Variants in NPR3 observed in about 807,000 individuals in gnomAD.
NPR3 encodes the protein atrial natriuretic peptide receptor 3.
Under a neutral mutation model 54.5 loss-of-function variants are expected in NPR3, and 34 were observed. The ratio of observed to expected loss-of-function variants is 0.62; its 90% CI spans 0.47 to 0.83. NPR3 has a LOEUF of 0.83. Among genes scored for constraint, NPR3 ranks in the 40% least tolerant of loss-of-function variants. The pLI is 0.00. For synonymous variants in NPR3, 289 were observed against 297.1 expected (o/e 0.97, Z 0.28); for missense variants, 674 against 720.8 (o/e 0.94, Z 0.74).
intron 1 of NPR3, chr5:32,716,962 A>T (rs1362289865): frequency 6.6e-6 from 1 of 152,120 alleles, no homozygotes; most frequent in African/African-American, 2.4e-5. Context: ...CATCATTTAC[A>T]TTGGGTATTT....
At chr5:32,691,571 G>A (rs1740389091) in intron 1 of NPR3, among the ~76,000 whole-genome samples, 2 of 152,220 alleles carry the variant, frequency 1.3e-5, no homozygotes, top group African/African-American at 4.8e-5. Context: ...ACACCTGAAA[G>A]GCGTTAGAAA....
At chr5:32,750,140 A>G (rs1485663223) in intron 3 of NPR3, among the ~76,000 whole-genome samples, 1 of 152,034 alleles carries the variant, frequency 6.6e-6, no homozygotes, top group African/African-American at 2.4e-5. Context: ...CGAACTTCCA[A>G]CATTTTGTTG....
chr5:32,757,264 T>G (rs1740896822), intron 3 of NPR3, among the ~76,000 whole-genome samples: 1 of 152,222 alleles, frequency 6.6e-6, no homozygotes, highest in African/African-American at 2.4e-5. Context: ...TTTGTTTGTA[T>G]CCTCTTTTAT....
intron 3 of NPR3, among the ~76,000 whole-genome samples, chr5:32,772,792 C>G (rs1055694567): frequency 6.6e-6 from 1 of 152,116 alleles, no homozygotes; most frequent in African/African-American, 2.4e-5. Flanking sequence ...TTTTTTAAAC[C>G]TAACGACATC....
chr5:32,750,639 G>A (rs1740528207), intron 3 of NPR3, among the ~76,000 whole-genome samples: 1 of 152,142 alleles, frequency 6.6e-6, no homozygotes, highest in Non-Finnish European at 1.5e-5. Context: ...TGGAGGTGGG[G>A]TGGGGAATAA....
Position 32,788,308 on chromosome 5 carries a change from A to T in NPR3, c.*1963A>T, listed in dbSNP as rs952458186. 6.6e-6 allele frequency: 1 copy of T among 152,298 alleles called. No homozygotes were observed. The highest frequency in any genetic ancestry group is 1.5e-5 in the Non-Finnish European group (1 of 68,072). 9.4% of individuals were successfully genotyped at this position (152,298 alleles called of 1,614,324 possible). On this transcript the variant is annotated 3_prime_UTR_variant, in exon 8 of 8. Coordinates refer to ENST00000265074, the MANE Select transcript of NPR3 (RefSeq NM_001204375.2). ...GAAGAAGGCAAGAAGGGCAAACTCCAGAAGTTCTAGTGCAGGAAGAGAGTT... is the reference window on the plus strand; with the variant it reads ...GAAGAAGGCAAGAAGGGCAAACTCCTGAAGTTCTAGTGCAGGAAGAGAGTT...
At chr5:32,770,897 A>T (rs1391847963) in intron 3 of NPR3, among the ~76,000 whole-genome samples, 1 of 152,226 alleles carries the variant, frequency 6.6e-6, no homozygotes, top group African/African-American at 2.4e-5. Flanking sequence ...ATAGGTAACA[A>T]CAGCATAACG....
intron 2 of NPR3, among the ~76,000 whole-genome samples, chr5:32,736,311 A>C (rs940167060): frequency 6.6e-6 from 1 of 151,556 alleles, no homozygotes; most frequent in Non-Finnish European, 1.5e-5. Flanking sequence ...AGACAGATTT[A>C]TTGTATTGGA....
At chr5:32,728,110 G>GT (rs1739229831) in intron 2 of NPR3, among the ~76,000 whole-genome samples, 1 of 152,198 alleles carries the variant, frequency 6.6e-6, no homozygotes, top group Non-Finnish European at 1.5e-5. Context: ...ATATTGTTGA[G>GT]TTTAAGTTTT....
chr5:32,709,828 CG>C (rs1738119006), upstream of NPR3: 1 of 117,060 alleles, frequency 8.5e-6, no homozygotes, highest in Admixed American at 8.2e-5. Flanking sequence ...AACCAGAGCG[CG>C]TTAAAGGCCT....
At position 32,712,305 on chromosome 5, in the gene NPR3, G is replaced by T. The variant is rs773947848; in HGVS notation, c.529G>T (p.Val177Leu). ...KDSEYSHLTR[V>L]APAYAKMGEM... Reference sequence around the variant, plus strand: ...CTCTGAGTACTCGCACCTCACGCGCGTGGCGCCCGCCTACGCCAAGATGGG... The same window carrying T: ...CTCTGAGTACTCGCACCTCACGCGCTTGGCGCCCGCCTACGCCAAGATGGG... The change falls in exon 1 of 8, where the codon GTG becomes TTG. Residue 177 changes from valine to leucine, a missense_variant. Transcript: ENST00000265074. The T allele has an allele frequency of 6.2e-7, 1 of 1,613,262 alleles. No homozygotes were observed. The highest frequency in any genetic ancestry group is 8.5e-7 in the Non-Finnish European group (1 of 1,179,794).
chr5:32,783,146 T>C (rs968633101), intron 6 of NPR3, 118 bp downstream of exon 6: 13 of 947,260 alleles, frequency 1.4e-5, no homozygotes, highest in African/African-American at 5.0e-5. Context: ...TTTCTTTCTC[T>C]GATGTGGTAA....
intron 2 of NPR3, among the ~76,000 whole-genome samples, chr5:32,726,646 G>A (rs1199982002): frequency 6.6e-6 from 1 of 152,206 alleles, no homozygotes; most frequent in Admixed American, 6.5e-5. Flanking sequence ...GGTCTGGCAA[G>A]TACCTGATAT....
At chr5:32,762,710 C>T (rs2112017600) in intron 3 of NPR3, among the ~76,000 whole-genome samples, 1 of 151,982 alleles carries the variant, frequency 6.6e-6, no homozygotes, top group South Asian at 2.1e-4. Context: ...TGTTTACGTT[C>T]TTTGTAGATT....
chr5:32,786,242 A>T lies in NPR3; in HGVS notation c.1523A>T (p.Tyr508Phe), dbSNP rs1434641578. ...ACTTTCCCTTTACCCAGGAAGAAATACAGAATAACCATTGAGAGGCGAACC... is the reference window on the plus strand; with the variant it reads ...ACTTTCCCTTTACCCAGGAAGAAATTCAGAATAACCATTGAGAGGCGAACC... ...LMAFYFFRKK[Y>F]RITIERRTQQ... Residue 508 changes from tyrosine to phenylalanine, a missense_variant, in exon 8 of 8, where the codon TAC becomes TTC. By Grantham distance (22) the Tyr-to-Phe change is conservative. Transcript: ENST00000265074. 1.3e-5 allele frequency: 18 copies of T among 1,416,608 alleles called. No homozygotes were observed. In the East Asian group the frequency reaches 4.2e-4, roughly 33 times the overall value. 87.8% of individuals were successfully genotyped at this position (1,416,608 alleles called of 1,614,324 possible). A position where few individuals can be genotyped will look rare whatever the true frequency, so the allele number is the denominator to read the frequency against.
intron 3 of NPR3, among the ~76,000 whole-genome samples, chr5:32,746,161 T>A (rs1386884744): frequency 1.3e-5 from 2 of 152,234 alleles, no homozygotes; most frequent in Non-Finnish European, 2.9e-5. Flanking sequence ...AGAATCGAAA[T>A]TAAACAGTGA....
chr5:32,786,359 CTTT>C lies in NPR3; in HGVS notation c.*23_*25del, dbSNP rs370683701. 5 of 933,804 alleles carry C rather than the reference CTTT, an allele frequency of 5.4e-6. No individual in the cohort carries two copies. The highest frequency in any genetic ancestry group is 4.8e-5 in the South Asian group (3 of 61,878). 57.8% of individuals were successfully genotyped at this position (933,804 alleles called of 1,614,324 possible). Reference sequence around the variant, plus strand: ...TCAGTAGCTTAAAGGAAGCCCCCCACTTTTTTTTTTTCTGCCTGAGATTCTTTA... The same window carrying C: ...TCAGTAGCTTAAAGGAAGCCCCCCACTTTTTTTTCTGCCTGAGATTCTTTA... On this transcript the variant is annotated 3_prime_UTR_variant, in exon 8 of 8. Coordinates refer to ENST00000265074, the MANE Select transcript of NPR3 (RefSeq NM_001204375.2).
At chr5:32,710,594 G>T (rs1738156247), upstream of NPR3, 1 of 1,396,078 alleles carries the variant, frequency 7.2e-7, no homozygotes, top group African/African-American at 1.5e-5. Context: ...AGGGGGAGGG[G>T]GCTGGCGCGG....
intron 2 of NPR3, among the ~76,000 whole-genome samples, chr5:32,726,828 G>A (rs1327737166): frequency 6.6e-6 from 1 of 152,074 alleles, no homozygotes; most frequent in Non-Finnish European, 1.5e-5. Flanking sequence ...GATAATTTTT[G>A]GAAGTATGTA....
Sources: gnomAD v4.1 joint callset for allele counts (sites outside exome capture counted in the v4.1 genomes callset) on GRCh38, gnomAD v4.1.1 for gene constraint, MANE v1.5 for transcripts, NCBI Gene and HGNC (gene_info 2026-07-23, HGNC 2026-07-21) for gene names.